TJP3: variants seen among roughly 807,000 people sequenced by gnomAD.
The protein encoded by TJP3 is tight junction protein ZO-3.
TJP3 carries 85 observed loss-of-function variants against 104.2 expected under a neutral mutation model. The observed-to-expected ratio is 0.82, with a 90% confidence interval of 0.68 to 0.98. The LOEUF is 0.98. Ranked by LOEUF, TJP3 falls within the 50% of genes least tolerant of loss-of-function variation. The pLI is 0.00. For missense variants in TJP3, 1,367 were observed against 1,322.8 expected, an observed-to-expected ratio of 1.03 and a Z score of -0.52; for synonymous variants, 550 against 550.6, an observed-to-expected ratio of 1.00 and a Z score of 0.02.
chr19:3,726,172 C>A (rs554046444), intron 1 of TJP3, among the ~76,000 whole-genome samples: 3 of 152,248 alleles, frequency 2.0e-5, no homozygotes, highest in Non-Finnish European at 4.4e-5. Flanking sequence ...ACTCCCTCCC[C>A]ACTCCCTCCA....
At chr19:3,737,232 T>TCTTGTTATCAATGTCACAATCTC (rs750007279) in intron 11 of TJP3, among the ~76,000 whole-genome samples, 10,626 of 151,804 alleles carry the variant, frequency 0.07, 529 homozygotes, top group Non-Finnish European at 0.097. Flanking sequence ...CATGTGACAT[T>TCTTGTTATCAATGTCACAATCTC]CTTGTTATCA....
At chr19:3,712,928 T>G (rs2036446325) in intron 1 of TJP3, among the ~76,000 whole-genome samples, 1 of 146,754 alleles carries the variant, frequency 6.8e-6, no homozygotes, top group African/African-American at 2.5e-5. Context: ...CCAGCCTAGG[T>G]GACAGAGCAA....
chr19:3,741,781 C>G (rs985729150), intron 14 of TJP3, among the ~76,000 whole-genome samples: 1 of 149,640 alleles, frequency 6.7e-6, no homozygotes, highest in African/African-American at 2.5e-5. Flanking sequence ...CCAGCCTGGC[C>G]CACATGGTGA....
Position 3,730,812 on chromosome 19 carries a change from C to G in TJP3, c.613+106C>G. On this transcript the variant is annotated intron_variant, in intron 5 of 20. Transcript: ENST00000541714. This position sits in a 1 kb window ranked among gnomAD's most constrained non-coding sequence, Gnocchi z 7.3. ...TCTCCTGCCTCAGCCTCCCTGGTGG[C>G]TGGGACTCCAGGCGCCCGCCACCAT... 7.7e-7 allele frequency: 1 copy of G among 1,295,132 alleles called. No individual in the cohort carries two copies. Among genetic ancestry groups the G allele is most frequent in the Non-Finnish European group, 1.0e-6 (1 of 962,230 alleles). The allele number at this position is 1,295,132 out of a possible 1,614,324, so 80.2% of individuals were successfully genotyped here. A position where few individuals can be genotyped will look rare whatever the true frequency, so the allele number is the denominator to read the frequency against.
chr19:3,728,663 C>A lies in TJP3; in HGVS notation c.108C>A (p.Ser36=). The change falls in exon 3 of 21, where the codon TCC becomes TCA. Residue 36 remains serine (S), a synonymous_variant. Coordinates refer to ENST00000541714, the MANE Select transcript of TJP3 (RefSeq NM_001267560.2). Reference sequence around the variant, plus strand: ...GAGGCCGAGACCGGCCCGGTGGATCCATGGTTGTATCTGACGTGGTACCTG... The same window carrying A: ...GAGGCCGAGACCGGCCCGGTGGATCAATGGTTGTATCTGACGTGGTACCTG... ...ISGGRDRPGG[S]MVVSDVVPGG... 1 of 1,613,820 alleles carries A rather than the reference C, an allele frequency of 6.2e-7. No homozygotes were observed. The highest frequency in any genetic ancestry group is 8.5e-7 in the Non-Finnish European group (1 of 1,179,992).
intron 1 of TJP3, among the ~76,000 whole-genome samples, chr19:3,720,823 A>G (rs1385460131): frequency 2.0e-5 from 3 of 149,162 alleles, no homozygotes; most frequent in Non-Finnish European, 4.4e-5. Context: ...AGCCTGAAGA[A>G]TTTCCTCCTG....
At chr19:3,742,413 A>C (rs1394027649) in intron 14 of TJP3, among the ~76,000 whole-genome samples, 4 of 151,948 alleles carry the variant, frequency 2.6e-5, no homozygotes, top group Admixed American at 6.6e-5. Context: ...AGCCTGGGCA[A>C]CAAAGCCAGA....
intron 15 of TJP3, among the ~76,000 whole-genome samples, chr19:3,744,674 AC>A (rs56084950): frequency 0.13 from 19,224 of 146,684 alleles, 1,473 homozygotes; most frequent in South Asian, 0.27. Flanking sequence ...AAAAAAAAAA[AC>A]AAAAACAATT....
In TJP3 at chr19:3,746,696, G is replaced by GT. The variant is rs1362765700; in HGVS notation, c.2221+3dup. Reference sequence around the variant, plus strand: ...AAACACAGCAGCCACCTCTTCACAGGTTGGGGGGTGGGTGTCCCAGGGTAG... The same window carrying GT: ...AAACACAGCAGCCACCTCTTCACAGGTTTGGGGGGTGGGTGTCCCAGGGTAG... On this transcript the variant is annotated splice_donor_variant, in intron 17 of 20. Transcript: ENST00000541714. LOFTEE classifies it high-confidence loss of function. The surrounding 1 kb of genome is among the most constrained non-coding windows in gnomAD (Gnocchi z 4.1). 1 of 1,609,850 alleles carries GT rather than the reference G, an allele frequency of 6.2e-7. No individual in the cohort carries two copies. The highest frequency in any genetic ancestry group is 1.7e-5 in the Admixed American group (1 of 59,084).
Position 3,746,725 on chromosome 19 carries a change from G to T in TJP3, c.2221+30G>T, listed in dbSNP as rs1183894968. The T allele has an allele frequency of 3.1e-6, 5 of 1,601,688 alleles. No individual in the cohort carries two copies. The highest frequency in any genetic ancestry group is 4.3e-6 in the Non-Finnish European group (5 of 1,174,120). On this transcript the variant is annotated intron_variant, in intron 17 of 20. Transcript: ENST00000541714. This position sits in a 1 kb window ranked among gnomAD's most constrained non-coding sequence, Gnocchi z 4.1. ...GGGGGTGGGTGTCCCAGGGTAGGCG[G>T]GTGGGCCCCAGCCTGAGTCTCCTGC...
At chr19:3,723,799 A>AAAG in intron 1 of TJP3, among the ~76,000 whole-genome samples, 1 of 86,664 alleles carries the variant, frequency 1.2e-5, no homozygotes, top group Non-Finnish European at 2.6e-5. Flanking sequence ...TCTCAAAAGA[A>AAAG]AAAAAAAAAA....
intron 5 of TJP3, among the ~76,000 whole-genome samples, chr19:3,731,189 CA>C (rs1303295478): frequency 5.3e-5 from 8 of 152,218 alleles, no homozygotes; most frequent in African/African-American, 1.7e-4. Context: ...ACCATTTTAT[CA>C]ACATGTCCCC....
intron 12 of TJP3, 70 bp from the exon 13 acceptor site, chr19:3,738,827 A>G: frequency 6.9e-7 from 1 of 1,443,170 alleles, no homozygotes; most frequent in Non-Finnish European, 9.5e-7. Context: ...AGCCAGGCCC[A>G]CTCTCGGGTG....
At position 3,724,894 on chromosome 19, in the gene TJP3, G is replaced by A. The variant is rs554055104; in HGVS notation, c.-9-3530G>A. The stretch of plus-strand genomic sequence containing the variant: ...ATCAAAGCAGGTTAAAAAAAAAAAA[G>A]ATGCAGTTTTGAAAAATAAGCTCAG... On this transcript the variant is annotated intron_variant, in intron 1 of 20. Coordinates refer to ENST00000541714, the MANE Select transcript of TJP3 (RefSeq NM_001267560.2). Among the ~76,000 whole-genome samples the A allele has an allele frequency of 7.9e-5, 12 of 151,902 alleles. No individual in the cohort carries two copies. The East Asian group carries it at 2.1e-3, about 27-fold the overall frequency.
At chr19:3,717,008 C>G (rs1214612044) in intron 1 of TJP3, among the ~76,000 whole-genome samples, 1 of 141,798 alleles carries the variant, frequency 7.1e-6, no homozygotes, top group African/African-American at 2.5e-5. Context: ...TCTTGTTGCC[C>G]AGGCTGGAGT....
At position 3,730,384 on chromosome 19, in the gene TJP3, G is replaced by T. The variant is rs1416795997; in HGVS notation, c.291G>T (p.Leu97=). ...ITVKRPRRIH[L]PATKASPSSP... ...TGAAACGTCCCCGGAGGATCCACCT[G>T]CCCGCCACCAAAGCCAGCCCCTCCA... The change falls in exon 5 of 21, where the codon CTG becomes CTT. Residue 97 remains leucine, a synonymous_variant. Coordinates refer to ENST00000541714, the MANE Select transcript of TJP3 (RefSeq NM_001267560.2). This position sits in a 1 kb window ranked among gnomAD's most constrained non-coding sequence, Gnocchi z 7.3. 1 of 1,550,328 alleles carries T rather than the reference G, an allele frequency of 6.5e-7. No homozygotes were observed. The highest frequency in any genetic ancestry group is 8.7e-7 in the Non-Finnish European group (1 of 1,150,564).
At chr19:3,725,242 AC>A (rs369186804) in intron 1 of TJP3, among the ~76,000 whole-genome samples, 21 of 152,246 alleles carry the variant, frequency 1.4e-4, no homozygotes, top group African/African-American at 5.1e-4. Context: ...AGCCTGGGCA[AC>A]AGAGTGAAAC....
chr19:3,709,111 T>G (rs2145657861), intron 1 of TJP3, among the ~76,000 whole-genome samples: 1 of 152,212 alleles, frequency 6.6e-6, no homozygotes, highest in South Asian at 2.1e-4. Context: ...GGGGTGGCCT[T>G]TCTTTTGCTA....
At chr19:3,743,768 A>T in intron 14 of TJP3, 171 bp from the exon 15 acceptor site, 1 of 594,904 alleles carries the variant, frequency 1.7e-6, no homozygotes, top group Non-Finnish European at 3.0e-6. Flanking sequence ...TTTGGTCATA[A>T]GGCTAACCTA....
Sources: gnomAD v4.1 joint callset for allele counts (sites outside exome capture counted in the v4.1 genomes callset) on GRCh38, gnomAD v4.1.1 for gene constraint, Gnocchi (gnomAD v3.1) non-coding constraint, MANE v1.5 for transcripts, NCBI Gene and HGNC (gene_info 2026-07-23, HGNC 2026-07-21) for gene names.